IPO5: variants seen among roughly 807,000 people sequenced by gnomAD.
IPO5 encodes the protein importin-5.
IPO5 carries 18 observed loss-of-function variants against 143.3 expected under a neutral mutation model. The ratio of observed to expected loss-of-function variants is 0.13; its 90% CI spans 0.09 to 0.19. The LOEUF (loss-of-function observed/expected upper bound fraction) is 0.19, where lower values mean the gene tolerates loss of function less well. Among genes scored for constraint, IPO5 ranks in the 10% least tolerant of loss-of-function variants. The pLI, the probability that IPO5 is intolerant of heterozygous loss-of-function variation, is 1.00. For missense variants in IPO5, 1,013 were observed against 1,336.9 expected (o/e 0.76, Z 3.78); for synonymous variants, 477 against 465.7 (o/e 1.02, Z -0.31).
intron 16 of IPO5, among the ~76,000 whole-genome samples, chr13:98,003,259 A>G (rs1888949736): frequency 1.3e-5 from 2 of 152,218 alleles, no homozygotes; most frequent in South Asian, 4.1e-4. Flanking sequence ...GCTAAAGGTC[A>G]GGTAAAATCA....
rs1401238065 is a variant in IPO5 at position 98,014,079 on chromosome 13, C to T, written c.2190C>T (p.Leu730=). ...RVAAAESMPL[L]LECARVRGPE... ...CAGCAGCGGAATCCATGCCTCTTCT[C>T]CTGGAGTGTGCAAGAGTCCGTGGTC... Residue 730 remains leucine, a synonymous_variant, in exon 22 of 29, where the codon CTC becomes CTT. Coordinates refer to ENST00000651721, the MANE Select transcript of IPO5 (RefSeq NM_002271.6). The T allele has an allele frequency of 4.3e-6, 7 of 1,613,348 alleles. No homozygotes were observed. The highest frequency in any genetic ancestry group is 5.9e-6 in the Non-Finnish European group (7 of 1,179,878).
intron 2 of IPO5, among the ~76,000 whole-genome samples, chr13:97,968,052 G>T (rs886619094): frequency 1.3e-5 from 2 of 151,968 alleles, no homozygotes; most frequent in African/African-American, 4.8e-5. Context: ...TGAATTCCTG[G>T]GCTCAAAGGA....
At chr13:97,979,156 A>C (rs1301913903) in intron 4 of IPO5, among the ~76,000 whole-genome samples, 1 of 152,198 alleles carries the variant, frequency 6.6e-6, no homozygotes, top group Non-Finnish European at 1.5e-5. Context: ...ATTAGCATTA[A>C]GTCTGATACA....
chr13:97,984,474 GT>G (rs1887160694), intron 5 of IPO5, among the ~76,000 whole-genome samples: 1 of 152,140 alleles, frequency 6.6e-6, no homozygotes, highest in African/African-American at 2.4e-5. Flanking sequence ...TGGCTTTATA[GT>G]TTTTGGTATA....
intron 4 of IPO5, among the ~76,000 whole-genome samples, chr13:97,980,135 G>A (rs967076963): frequency 2.0e-5 from 3 of 152,174 alleles, no homozygotes; most frequent in Non-Finnish European, 4.4e-5. Flanking sequence ...GCTAGGAATA[G>A]TATTAGAAAC....
rs570605347 is a variant in IPO5, at chr13:97,984,928, TTAGGTATCGGGAACTCG to T, written c.172-490_172-474del. Among the ~76,000 whole-genome samples the T allele has an allele frequency of 3.8e-3, 574 of 152,326 alleles. 3 individuals are homozygous for T. Among genetic ancestry groups the T allele is most frequent in the African/African-American group, 0.013 (552 of 41,574 alleles). The stretch of plus-strand genomic sequence containing the variant: ...ACATGTTGAGATGGATTAGCACTTT[TTAGGTATCGGGAACTCG>T]TAATGTTTGTTTGCATGAAAGAAGC... On this transcript the variant is annotated intron_variant, in intron 5 of 28. Coordinates refer to ENST00000651721, the MANE Select transcript of IPO5 (RefSeq NM_002271.6).
At position 97,957,221 on chromosome 13, in the gene IPO5, T is replaced by G. The variant is rs373669290; in HGVS notation, c.-113+3023T>G. On this transcript the variant is annotated intron_variant, in intron 2 of 28. Coordinates refer to ENST00000651721, the MANE Select transcript of IPO5 (RefSeq NM_002271.6). ...TTTTTTTTTTTCTATTTTTTGAGAC[T>G]GAGTCTCATTTTGTTGCCCAGGCTG... 6.1e-3 allele frequency among the ~76,000 whole-genome samples: 932 copies of G among 152,090 alleles called. 12 individuals carry two copies. The highest frequency in any genetic ancestry group is 0.021 in the African/African-American group (879 of 41,506).
chr13:97,976,108 G>C, intron 3 of IPO5: 1 of 293,544 alleles, frequency 3.4e-6, no homozygotes. Flanking sequence ...GCCACGGGGA[G>C]GGGCCGGGGG....
At chr13:97,988,419 A>G (rs1477038836) in intron 6 of IPO5, among the ~76,000 whole-genome samples, 1 of 152,218 alleles carries the variant, frequency 6.6e-6, no homozygotes, top group Admixed American at 6.5e-5. Context: ...GCAATGGTAT[A>G]TATAAAGGAG....
intron 2 of IPO5, among the ~76,000 whole-genome samples, chr13:97,965,752 AGTTTGTGTGTGT>A (rs925075017): frequency 3.4e-5 from 4 of 118,268 alleles, no homozygotes; most frequent in African/African-American, 1.6e-4. Context: ...TTGTTCTAAT[AGTTTGTGTGTGT>A]GTGTGTGTGT....
chr13:98,009,959 A>G lies in IPO5; in HGVS notation c.1879A>G (p.Met627Val). 6.2e-7 allele frequency: 1 copy of G among 1,614,092 alleles called. No individual in the cohort carries two copies. The highest frequency in any genetic ancestry group is 8.5e-7 in the Non-Finnish European group (1 of 1,179,956). ...KEFQQYLPVV[M>V]GPLMKTASIK... The stretch of plus-strand genomic sequence containing the variant: ...ATTTCAGCAATACCTTCCAGTGGTT[A>G]TGGGGCCTTTAATGAAGACGGCTTC... The change falls in exon 19 of 29, where the codon ATG becomes GTG. Residue 627 changes from methionine to valine, a missense_variant. Physicochemically the swap from Met to Val is conservative, Grantham distance 21. Around this residue, in one of 2 missense-constraint regions of IPO5, gnomAD observed 685 missense variants for 994.9 expected, o/e 0.69. Coordinates refer to ENST00000651721, the MANE Select transcript of IPO5 (RefSeq NM_002271.6).
In IPO5 at chr13:98,021,837, A is replaced by C. The variant is rs1348853829; in HGVS notation, c.*15A>C. The C allele has an allele frequency of 6.4e-7, 1 of 1,572,048 alleles. No individual in the cohort carries two copies. The highest frequency in any genetic ancestry group is 8.7e-7 in the Non-Finnish European group (1 of 1,148,020). On this transcript the variant is annotated 3_prime_UTR_variant, in exon 29 of 29. Coordinates refer to ENST00000651721, the MANE Select transcript of IPO5 (RefSeq NM_002271.6). ...ACTCTGCGTGAAGGGCCTTAATGTC[A>C]CCCACCAGAAAACTAACTCCAAATA... is the stretch of plus-strand genomic sequence containing the variant.
intron 2 of IPO5, among the ~76,000 whole-genome samples, chr13:97,958,950 T>C (rs138859099): frequency 0.018 from 2,692 of 152,026 alleles, 74 homozygotes; most frequent in African/African-American, 0.051. Flanking sequence ...GGCAGGTAGA[T>C]CACCTGAGGT....
At chr13:97,960,432 A>G (rs1884772468) in intron 2 of IPO5, 1 of 152,248 alleles carries the variant, frequency 6.6e-6, no homozygotes, top group Non-Finnish European at 1.5e-5. Context: ...ATAGGGGGAA[A>G]AAATCACTAA....
intron 4 of IPO5, among the ~76,000 whole-genome samples, chr13:97,978,931 C>G (rs539706236): frequency 6.6e-6 from 1 of 152,156 alleles, no homozygotes; most frequent in African/African-American, 2.4e-5. Context: ...CTCTTAGTCT[C>G]TTTATTCCTA....
At chr13:98,008,343 A>C (rs1366030045) in intron 18 of IPO5, among the ~76,000 whole-genome samples, 3 of 151,530 alleles carry the variant, frequency 2.0e-5, no homozygotes, top group African/African-American at 7.3e-5. Context: ...GCTTTCTGTG[A>C]CTCTCACTCA....
chr13:98,021,697 C>G, intron 28 of IPO5, 39 bp from the exon 29 acceptor site: 2 of 1,236,746 alleles, frequency 1.6e-6, no homozygotes, highest in Non-Finnish European at 2.3e-6. Context: ...TCCAAATGAG[C>G]ATTTCGTCCT....
intron 13 of IPO5, 55 bp from the exon 14 acceptor site, chr13:98,002,412 G>A: frequency 6.4e-7 from 1 of 1,552,322 alleles, no homozygotes; most frequent in Non-Finnish European, 8.8e-7. Flanking sequence ...CCCTCTACCA[G>A]AATGACATGT....
intron 27 of IPO5, among the ~76,000 whole-genome samples, chr13:98,020,520 A>G (rs1210223108): frequency 4.6e-5 from 7 of 152,224 alleles, no homozygotes; most frequent in Non-Finnish European, 1.0e-4. Context: ...CTATTTGATC[A>G]TCTTCCTTGG....
Sources: gnomAD v4.1 joint callset for allele counts (sites outside exome capture counted in the v4.1 genomes callset) on GRCh38, gnomAD v4.1.1 for gene constraint, gnomAD v4.1.1 regional missense constraint, MANE v1.5 for transcripts, NCBI Gene and HGNC (gene_info 2026-07-23, HGNC 2026-07-21) for gene names.